GLIS3: variants seen among roughly 807,000 people sequenced by gnomAD.
GLIS3 encodes the protein GLIS family zinc finger 3.
In GLIS3, 53 loss-of-function variants were observed where a neutral mutation model predicts 78.6. The ratio of observed to expected loss-of-function variants is 0.67; its 90% CI spans 0.54 to 0.85. GLIS3 has a LOEUF of 0.85. Among genes scored for constraint, GLIS3 ranks in the 40% least tolerant of loss-of-function variants. The pLI is 0.00. For synonymous variants in GLIS3, 684 were observed against 509.9 expected (o/e 1.34, Z -4.60); for missense variants, 1,703 against 1,231.1 (o/e 1.38, Z -5.74).
At chr9:4,053,328 A>G (rs1440139525) in intron 4 of GLIS3, among the ~76,000 whole-genome samples, 3 of 152,138 alleles carry the variant, frequency 2.0e-5, no homozygotes, top group Admixed American at 6.6e-5. Context: ...CTTATCATCC[A>G]GGCCCAGCTC....
chr9:4,184,014 G>T (rs1353662097), intron 2 of GLIS3, among the ~76,000 whole-genome samples: 1 of 151,854 alleles, frequency 6.6e-6, no homozygotes, highest in Non-Finnish European at 1.5e-5. Flanking sequence ...TATTTCCATA[G>T]GAAATCAATG....
chr9:4,384,419 C>G, the GLIS3 span, among the ~76,000 whole-genome samples: 2 of 151,862 alleles, frequency 1.3e-5, no homozygotes, highest in African/African-American at 2.4e-5. Context: ...GCTTTGTGTT[C>G]TTTAACAAGG....
In GLIS3 at chr9:4,288,045, C is replaced by G. The variant is rs74654599; in HGVS notation, c.-98-1522G>C. 4.8e-3 allele frequency among the ~76,000 whole-genome samples: 723 copies of G among 152,152 alleles called. 9 individuals are homozygous for G. The highest frequency in any genetic ancestry group is 0.016 in the African/African-American group (671 of 41,534). ...CTCTAAGTCAGGTCTCACTCCTGCC[C>G]TCTTCTCCCATGAGTACGAAGCAGG... On this transcript the variant is annotated intron_variant, in intron 1 of 10. Coordinates refer to ENST00000381971, the MANE Select transcript of GLIS3 (RefSeq NM_001042413.2).
intron 9 of GLIS3, among the ~76,000 whole-genome samples, chr9:3,842,683 C>G (rs1818797585): frequency 6.6e-6 from 1 of 152,190 alleles, no homozygotes; most frequent in Non-Finnish European, 1.5e-5. Context: ...ATGCACATTC[C>G]TGAGCTCTAC....
At chr9:4,473,717 C>A in the GLIS3 span, among the ~76,000 whole-genome samples, 4 of 151,974 alleles carry the variant, frequency 2.6e-5, no homozygotes, top group Non-Finnish European at 2.9e-5. Context: ...ATAATCTGTA[C>A]AACAAACCCC....
chr9:4,170,337 A>C (rs928904344), intron 2 of GLIS3, among the ~76,000 whole-genome samples: 1 of 152,248 alleles, frequency 6.6e-6, no homozygotes, highest in African/African-American at 2.4e-5. Flanking sequence ...AGAATGGCCA[A>C]CCAAGTATGT....
At chr9:4,409,036 C>T in the GLIS3 span, among the ~76,000 whole-genome samples, 1 of 152,058 alleles carries the variant, frequency 6.6e-6, no homozygotes, top group Non-Finnish European at 1.5e-5. Flanking sequence ...TACACACACA[C>T]TCTTTTAAAT....
At chr9:4,097,608 T>A (rs1177405212) in intron 4 of GLIS3, among the ~76,000 whole-genome samples, 1 of 152,218 alleles carries the variant, frequency 6.6e-6, no homozygotes, top group Non-Finnish European at 1.5e-5. Flanking sequence ...TTTACCAGCT[T>A]CGCATACTGA....
At chr9:4,029,736 T>C (rs1225902162) in intron 4 of GLIS3, among the ~76,000 whole-genome samples, 1 of 152,176 alleles carries the variant, frequency 6.6e-6, no homozygotes, top group African/African-American at 2.4e-5. Flanking sequence ...CTTATTTCAC[T>C]TAGCATAATG....
chr9:3,991,817 A>T (rs979044421), intron 4 of GLIS3, among the ~76,000 whole-genome samples: 4 of 151,076 alleles, frequency 2.6e-5, no homozygotes, highest in Admixed American at 1.3e-4. Context: ...CAGCCTCCCG[A>T]GTAGCTGGGA....
intron 4 of GLIS3, among the ~76,000 whole-genome samples, chr9:4,085,838 T>C (rs1203211815): frequency 1.3e-5 from 2 of 152,170 alleles, no homozygotes; most frequent in South Asian, 4.1e-4. Context: ...CCTTCCGCCA[T>C]GAGTAGAAAC....
At chr9:4,397,152 A>G in the GLIS3 span, among the ~76,000 whole-genome samples, 2 of 137,160 alleles carry the variant, frequency 1.5e-5, no homozygotes, top group Non-Finnish European at 3.1e-5. Context: ...CAGCCTCCCG[A>G]GTAGCTGGGA....
chr9:4,353,206 A>C (rs1210329692), upstream of GLIS3, among the ~76,000 whole-genome samples: 2 of 152,204 alleles, frequency 1.3e-5, no homozygotes, highest in African/African-American at 2.4e-5. Flanking sequence ...AACTTGAGGC[A>C]AAAGTAAGCA....
intron 4 of GLIS3, among the ~76,000 whole-genome samples, chr9:4,097,074 G>A (rs921267054): frequency 1.1e-4 from 17 of 152,212 alleles, no homozygotes; most frequent in Middle Eastern, 3.4e-3. Flanking sequence ...TACGCTGGAA[G>A]CAAATCACTC....
At chr9:4,380,692 G>C in the GLIS3 span, among the ~76,000 whole-genome samples, 2 of 152,148 alleles carry the variant, frequency 1.3e-5, no homozygotes, top group African/African-American at 4.8e-5. Flanking sequence ...AATACTTTGA[G>C]AAACACTGGT....
At chr9:4,160,659 G>T (rs554779560) in intron 2 of GLIS3, among the ~76,000 whole-genome samples, 43 of 152,302 alleles carry the variant, frequency 2.8e-4, no homozygotes, top group African/African-American at 1.0e-3. Flanking sequence ...TGTATTTTAG[G>T]TAAGACTTAC....
intron 4 of GLIS3, among the ~76,000 whole-genome samples, chr9:4,114,997 G>A (rs754330643): frequency 3.9e-5 from 6 of 152,314 alleles, no homozygotes; most frequent in Non-Finnish European, 5.9e-5. Context: ...TTCTGAGAAT[G>A]CGTTCTCTCA....
chr9:4,116,816 A>C (rs1443592037), intron 4 of GLIS3, among the ~76,000 whole-genome samples: 1 of 152,014 alleles, frequency 6.6e-6, no homozygotes, highest in African/African-American at 2.4e-5. Flanking sequence ...ACTTTAAATG[A>C]AATATTTCTG....
intron 4 of GLIS3, among the ~76,000 whole-genome samples, chr9:4,077,482 A>G (rs1301092606): frequency 6.6e-6 from 1 of 152,212 alleles, no homozygotes. Context: ...TTCTCCTCAA[A>G]AAAAGGAAAG....
Sources: gnomAD v4.1 joint callset for allele counts (sites outside exome capture counted in the v4.1 genomes callset) on GRCh38, gnomAD v4.1.1 for gene constraint, MANE v1.5 for transcripts, NCBI Gene and HGNC (gene_info 2026-07-23, HGNC 2026-07-21) for gene names.